Variants in FAF1 observed in about 807,000 individuals in gnomAD.
The protein encoded by FAF1 is Fas associated factor 1, also known as FAS-associated factor 1.
Under a neutral mutation model 92.5 loss-of-function variants are expected in FAF1, and 25 were observed. The observed-to-expected ratio is 0.27, with a 90% confidence interval of 0.20 to 0.38. The LOEUF is 0.38. Ranked by LOEUF, FAF1 falls within the 10% of genes least tolerant of loss-of-function variation. The pLI is 1.00. For synonymous variants in FAF1, 234 were observed against 273.2 expected, an observed-to-expected ratio of 0.86 and a Z score of 1.42; for missense variants, 636 against 793.3, an observed-to-expected ratio of 0.80 and a Z score of 2.38.
At chr1:50,708,296 T>C (rs964864467) in intron 6 of FAF1, among the ~76,000 whole-genome samples, 3 of 152,080 alleles carry the variant, frequency 2.0e-5, no homozygotes, top group South Asian at 2.1e-4. Flanking sequence ...TGAAAAACTG[T>C]CAAGTTCAGA....
intron 7 of FAF1, among the ~76,000 whole-genome samples, chr1:50,681,531 G>C (rs145948617): frequency 6.6e-6 from 1 of 151,904 alleles, no homozygotes; most frequent in African/African-American, 2.4e-5. Context: ...TTTTGAGACA[G>C]AGTTTCACTC....
chr1:50,700,295 C>T (rs2124413796), intron 7 of FAF1, among the ~76,000 whole-genome samples: 1 of 152,226 alleles, frequency 6.6e-6, no homozygotes, highest in East Asian at 1.9e-4. Context: ...ATCCATTGAG[C>T]ACAGAGGTTC....
At chr1:50,542,856 C>A (rs911123703) in intron 13 of FAF1, among the ~76,000 whole-genome samples, 2 of 152,052 alleles carry the variant, frequency 1.3e-5, no homozygotes, top group Non-Finnish European at 2.9e-5. Context: ...ACAATAAATG[C>A]CCTCACTAAG....
At position 50,763,028 on chromosome 1, in the gene FAF1, G is replaced by A. The variant is rs1186583184; in HGVS notation, c.368-18253C>T. ...CCCAGCACTTTGGGAGGCCAAGGCA[G>A]GTGATCACCTGAGGTCAGGAGTTCA... On this transcript the variant is annotated intron_variant, in intron 4 of 18. Transcript: ENST00000396153. Among the ~76,000 whole-genome samples, 4 of 152,164 alleles carry A rather than the reference G, an allele frequency of 2.6e-5. No homozygotes were observed. The East Asian group carries it at 7.7e-4, about 29-fold the overall frequency.
At chr1:50,836,170 G>GTTTTTTTTTTTGTTTTTTTTTTT (rs1644200946) in intron 2 of FAF1, among the ~76,000 whole-genome samples, 1 of 98,526 alleles carries the variant, frequency 1.0e-5, no homozygotes, top group African/African-American at 4.3e-5. Context: ...TTTTGTTTCT[G>GTTTTTTTTTTTGTTTTTTTTTTT]TTTTTTTTTT....
intron 18 of FAF1, among the ~76,000 whole-genome samples, chr1:50,449,006 CATAA>C (rs1646262279): frequency 1.3e-5 from 2 of 148,682 alleles, no homozygotes. Context: ...CTAGTCAGGG[CATAA>C]ATAAATTTTA....
intron 1 of FAF1, among the ~76,000 whole-genome samples, chr1:50,939,703 T>A (rs1188831301): frequency 1.3e-5 from 2 of 152,218 alleles, no homozygotes; most frequent in Non-Finnish European, 2.9e-5. Flanking sequence ...GTTCCTTCCA[T>A]GCCTAGTCTG....
At chr1:50,889,966 G>T (rs1644705192) in intron 1 of FAF1, among the ~76,000 whole-genome samples, 1 of 152,304 alleles carries the variant, frequency 6.6e-6, no homozygotes. Context: ...ACAGTGGGGT[G>T]TTAAAGTCTC....
chr1:50,590,850 T>C (rs549148733), intron 9 of FAF1, among the ~76,000 whole-genome samples: 27 of 151,994 alleles, frequency 1.8e-4, no homozygotes, highest in Non-Finnish European at 3.5e-4. Context: ...GGTGTGGTGG[T>C]GTACTCCTGT....
chr1:50,684,948 A>T (rs1181017577), intron 7 of FAF1, among the ~76,000 whole-genome samples: 1 of 152,166 alleles, frequency 6.6e-6, no homozygotes, highest in Non-Finnish European at 1.5e-5. Flanking sequence ...ATACAAATGA[A>T]TGTTGTATGA....
At chr1:50,480,781 CCTT>C (rs1646691548) in intron 17 of FAF1, among the ~76,000 whole-genome samples, 2 of 152,148 alleles carry the variant, frequency 1.3e-5, no homozygotes, top group South Asian at 4.1e-4. Flanking sequence ...AAGGTATACT[CCTT>C]CTACGTATTT....
intron 6 of FAF1, among the ~76,000 whole-genome samples, chr1:50,709,854 G>T (rs556328932): frequency 2.0e-5 from 3 of 152,320 alleles, no homozygotes; most frequent in African/African-American, 4.8e-5. Context: ...AAGATGTTAA[G>T]ATTGTGGAGA....
intron 4 of FAF1, among the ~76,000 whole-genome samples, chr1:50,755,048 G>A (rs1421511765): frequency 6.6e-6 from 1 of 151,984 alleles, no homozygotes; most frequent in Non-Finnish European, 1.5e-5. Flanking sequence ...TCTGCCCCTG[G>A]CCCCTCCAAA....
In FAF1 at chr1:50,498,063, T is replaced by C. The variant is rs568334592; in HGVS notation, c.1495-6262A>G. On this transcript the variant is annotated intron_variant, in intron 15 of 18. Coordinates refer to ENST00000396153, the MANE Select transcript of FAF1 (RefSeq NM_007051.3). ...CGTGGTAGTGGCATAATGATAGACA[T>C]ATAGAAAAATGAAATAGAACAGAAA... Among the ~76,000 whole-genome samples the C allele has an allele frequency of 2.6e-5, 4 of 152,176 alleles. No individual in the cohort carries two copies. The East Asian group carries it at 7.7e-4, about 29-fold the overall frequency.
At chr1:50,533,143 G>C (rs555396197) in intron 15 of FAF1, among the ~76,000 whole-genome samples, 170 of 152,124 alleles carry the variant, frequency 1.1e-3, no homozygotes, top group African/African-American at 3.7e-3. Context: ...CCACGTTGTT[G>C]CCCTGGCTGG....
intron 7 of FAF1, among the ~76,000 whole-genome samples, chr1:50,657,937 T>C (rs1445780657): frequency 6.6e-6 from 1 of 152,218 alleles, no homozygotes; most frequent in Non-Finnish European, 1.5e-5. Context: ...TAGTCTACCA[T>C]GCAATATTTT....
intron 1 of FAF1, among the ~76,000 whole-genome samples, chr1:50,915,893 G>A (rs752511857): frequency 6.6e-6 from 1 of 152,112 alleles, no homozygotes; most frequent in African/African-American, 2.4e-5. Flanking sequence ...TAGTGGACAA[G>A]CAGGAACCTT....
At chr1:50,699,214 G>C (rs1657364350) in intron 7 of FAF1, among the ~76,000 whole-genome samples, 1 of 152,164 alleles carries the variant, frequency 6.6e-6, no homozygotes, top group Admixed American at 6.5e-5. Flanking sequence ...TCCTAAATTT[G>C]ATTCCTTGTA....
At chr1:50,510,467 G>A (rs1053756017) in intron 15 of FAF1, among the ~76,000 whole-genome samples, 4 of 151,972 alleles carry the variant, frequency 2.6e-5, no homozygotes, top group Non-Finnish European at 4.4e-5. Flanking sequence ...GGGAAGCAAG[G>A]GATGATTCAT....
Sources: gnomAD v4.1 joint callset for allele counts (sites outside exome capture counted in the v4.1 genomes callset) on GRCh38, gnomAD v4.1.1 for gene constraint, MANE v1.5 for transcripts, NCBI Gene and HGNC (gene_info 2026-07-23, HGNC 2026-07-21) for gene names.